The following PLCB1 variants were observed in gnomAD, a reference collection of about 807,000 sequenced individuals.
The protein encoded by PLCB1 is phospholipase C beta 1.
PLCB1 carries 46 observed loss-of-function variants against 161.8 expected under a neutral mutation model. The observed-to-expected ratio is 0.28, with a 90% confidence interval of 0.22 to 0.36. PLCB1 has a LOEUF of 0.36. Among genes scored for constraint, PLCB1 ranks in the 10% least tolerant of loss-of-function variants. PLCB1 has a pLI of 1.00. For synonymous variants in PLCB1, 517 were observed against 503.7 expected, an observed-to-expected ratio of 1.03 and a Z score of -0.35; for missense variants, 1,016 against 1,472.5, an observed-to-expected ratio of 0.69 and a Z score of 5.07.
chr20:8,867,401 T>C lies in PLCB1; in HGVS notation c.3424-14221T>C, dbSNP rs1373561833. Among the ~76,000 whole-genome samples, 3 of 152,240 alleles carry C rather than the reference T, an allele frequency of 2.0e-5. No individual in the cohort carries two copies. The East Asian group carries it at 5.8e-4, about 29-fold the overall frequency. ...TGCACTATTGACCTTGCTTCTAATG[T>C]GACTCGGTGTAAGAACTGAATTCAT... is the stretch of plus-strand genomic sequence containing the variant. On this transcript the variant is annotated intron_variant, in intron 31 of 31. Transcript: ENST00000338037.
intron 1 of PLCB1, among the ~76,000 whole-genome samples, chr20:8,137,922 A>T (rs959497175): frequency 6.6e-6 from 1 of 152,236 alleles, no homozygotes; most frequent in Non-Finnish European, 1.5e-5. Flanking sequence ...CTTGAACAAC[A>T]GCAACAAAAG....
intron 2 of PLCB1, among the ~76,000 whole-genome samples, chr20:8,331,045 A>G (rs1273047201): frequency 6.6e-6 from 1 of 152,210 alleles, no homozygotes; most frequent in Non-Finnish European, 1.5e-5. Flanking sequence ...ATCCACACAC[A>G]TGCACAGATA....
chr20:8,473,526 G>A (rs1982144817), intron 3 of PLCB1, among the ~76,000 whole-genome samples: 1 of 152,128 alleles, frequency 6.6e-6, no homozygotes, highest in South Asian at 2.1e-4. Context: ...GAGTAGCAAA[G>A]CATCACACAT....
intron 31 of PLCB1, among the ~76,000 whole-genome samples, chr20:8,820,170 C>T (rs1414751938): frequency 6.8e-6 from 1 of 147,578 alleles, no homozygotes; most frequent in Admixed American, 6.8e-5. Flanking sequence ...ATTCAACCAG[C>T]AGATACAGAG....
chr20:8,324,373 T>C (rs1340515931), intron 2 of PLCB1, among the ~76,000 whole-genome samples: 1 of 152,130 alleles, frequency 6.6e-6, no homozygotes, highest in Non-Finnish European at 1.5e-5. Flanking sequence ...TCTAAATCTA[T>C]AATCAATCCA....
intron 31 of PLCB1, among the ~76,000 whole-genome samples, chr20:8,857,196 G>C (rs1448380362): frequency 6.6e-6 from 1 of 152,172 alleles, no homozygotes; most frequent in Admixed American, 6.5e-5. Context: ...GTGGCCCTTT[G>C]AGAACAACTC....
intron 31 of PLCB1, among the ~76,000 whole-genome samples, chr20:8,849,512 C>T (rs1986813339): frequency 6.6e-6 from 1 of 151,574 alleles, no homozygotes; most frequent in Non-Finnish European, 1.5e-5. Flanking sequence ...CCCATCTCTA[C>T]TAAAAACACA....
intron 1 of PLCB1, among the ~76,000 whole-genome samples, chr20:8,140,782 AAC>A (rs1339684179): frequency 1.3e-5 from 2 of 151,858 alleles, no homozygotes; most frequent in African/African-American, 4.8e-5. Flanking sequence ...CAACAACAAC[AAC>A]AAAAAACTTT....
At chr20:8,239,945 T>G (rs2123201798) in intron 2 of PLCB1, among the ~76,000 whole-genome samples, 1 of 152,142 alleles carries the variant, frequency 6.6e-6, no homozygotes, top group South Asian at 2.1e-4. Flanking sequence ...CTACTTCCTT[T>G]TAAGACGATA....
intron 2 of PLCB1, among the ~76,000 whole-genome samples, chr20:8,307,864 A>C (rs1984207601): frequency 1.3e-5 from 2 of 151,236 alleles, no homozygotes; most frequent in African/African-American, 2.4e-5. Context: ...AGATGTTGAC[A>C]GTGAGCTAAG....
intron 31 of PLCB1, among the ~76,000 whole-genome samples, chr20:8,809,741 G>A (rs981794501): frequency 1.3e-5 from 2 of 151,716 alleles, no homozygotes; most frequent in Non-Finnish European, 2.9e-5. Context: ...CTTCTTTAAA[G>A]CTTTTTTTTC....
chr20:8,464,522 G>A (rs893958628), intron 3 of PLCB1, among the ~76,000 whole-genome samples: 2 of 152,074 alleles, frequency 1.3e-5, no homozygotes, highest in African/African-American at 4.8e-5. Context: ...TCCTTCAGCT[G>A]TGTCTAATCT....
chr20:8,134,678 A>G (rs1194136579), intron 1 of PLCB1, among the ~76,000 whole-genome samples: 2 of 152,120 alleles, frequency 1.3e-5, no homozygotes, highest in Non-Finnish European at 2.9e-5. Flanking sequence ...AAAATCATCA[A>G]AAACACCAAT....
intron 25 of PLCB1, among the ~76,000 whole-genome samples, chr20:8,762,175 A>T (rs987521136): frequency 7.9e-5 from 12 of 152,112 alleles, no homozygotes; most frequent in Non-Finnish European, 1.6e-4. Context: ...GCGCCATTGC[A>T]CTCCAGCCTG....
At chr20:8,369,125 G>A (rs1444759333) in intron 2 of PLCB1, among the ~76,000 whole-genome samples, 1 of 152,070 alleles carries the variant, frequency 6.6e-6, no homozygotes, top group East Asian at 1.9e-4. Context: ...ATTAATTACT[G>A]GCATTTTCAC....
intron 2 of PLCB1, among the ~76,000 whole-genome samples, chr20:8,208,550 G>A (rs1978650862): frequency 6.6e-6 from 1 of 151,762 alleles, no homozygotes; most frequent in African/African-American, 2.4e-5. Flanking sequence ...TAATTAAAGG[G>A]TTTATCATCT....
intron 3 of PLCB1, among the ~76,000 whole-genome samples, chr20:8,435,237 A>G (rs1447326988): frequency 6.6e-6 from 1 of 152,170 alleles, no homozygotes; most frequent in African/African-American, 2.4e-5. Flanking sequence ...TATGGAGTGT[A>G]GATGTGGTAG....
intron 9 of PLCB1, among the ~76,000 whole-genome samples, chr20:8,662,448 G>GTATAATA (rs1989698230): frequency 1.2e-5 from 1 of 86,470 alleles, no homozygotes; most frequent in African/African-American, 4.5e-5. Context: ...TATGTGTTAT[G>GTATAATA]TATAATTATT....
At chr20:8,840,721 C>T (rs770170722) in intron 31 of PLCB1, among the ~76,000 whole-genome samples, 21 of 152,220 alleles carry the variant, frequency 1.4e-4, no homozygotes, top group Non-Finnish European at 2.5e-4. Context: ...TGGCAGAGAC[C>T]CCTTTAAGAC....
Sources: allele counts gnomAD v4.1 joint callset (sites outside exome capture counted in the v4.1 genomes callset), GRCh38; gene constraint gnomAD v4.1.1; transcripts MANE v1.5; gene names NCBI Gene and HGNC (gene_info 2026-07-23, HGNC 2026-07-21).